Variants in VLDLR observed in about 807,000 individuals in gnomAD.
VLDLR encodes very low density lipoprotein receptor.
VLDLR carries 81 observed loss-of-function variants against 112.7 expected under a neutral mutation model. That is an observed-to-expected ratio of 0.72 (90% CI 0.60 to 0.86). The LOEUF is 0.86. VLDLR is among the 40% of genes least tolerant of loss of function. The pLI, the probability that VLDLR is intolerant of heterozygous loss-of-function variation, is 0.00. For synonymous variants in VLDLR, 436 were observed against 384.8 expected (o/e 1.13, Z -1.56); for missense variants, 1,237 against 1,099.4 (o/e 1.13, Z -1.77).
chr9:2,647,721 A>G (rs970590720), intron 12 of VLDLR, 129 bp downstream of exon 12: 8 of 840,446 alleles, frequency 9.5e-6, no homozygotes, highest in Admixed American at 5.3e-5. Context: ...GGAATTTTCA[A>G]TGGGAGTAAC....
intron 2 of VLDLR, among the ~76,000 whole-genome samples, chr9:2,637,784 A>T (rs926214407): frequency 6.6e-6 from 1 of 152,126 alleles, no homozygotes; most frequent in Non-Finnish European, 1.5e-5. Context: ...CACTAAAAAT[A>T]CAAAAAAATT....
rs775971417 is a variant in VLDLR, at chr9:2,647,528, G to A, written c.1758G>A (p.Met586Ile). 1.2e-6 allele frequency: 2 copies of A among 1,614,176 alleles called. No individual in the cohort carries two copies. Among genetic ancestry groups the A allele is most frequent in the Non-Finnish European group, 1.7e-6 (2 of 1,180,010 alleles). Residue 586 changes from methionine (M) to isoleucine (I), a missense_variant, in exon 12 of 19, where the codon ATG (methionine) becomes ATA (isoleucine). Met to Ile is a conservative substitution (Grantham distance 10). Coordinates refer to ENST00000382100, the MANE Select transcript of VLDLR (RefSeq NM_003383.5). ...GEPAKIEKAG[M>I]NGFDRRPLVT... is the part of the protein sequence containing the mutation. ...CAGCTAAAATAGAAAAAGCAGGAATGAATGGATTCGATAGACGTCCACTGG... is the reference window on the plus strand; with the variant it reads ...CAGCTAAAATAGAAAAAGCAGGAATAAATGGATTCGATAGACGTCCACTGG...
In VLDLR at chr9:2,633,049, A is replaced by AGTGTGTGTGTGTGTGT. The variant is rs1258054088; in HGVS notation, c.83-2403_83-2402insTGTGTGTGTGTGTGTG. 2.7e-3 allele frequency among the ~76,000 whole-genome samples: 287 copies of AGTGTGTGTGTGTGTGT among 107,034 alleles called. 2 individuals are homozygous for AGTGTGTGTGTGTGTGT. The highest frequency in any genetic ancestry group is 9.4e-3 in the African/African-American group (269 of 28,490). 70.2% of individuals were successfully genotyped at this position (107,034 alleles called of 152,430 possible). ...CCTTATTGGAGAGAGAGAGAGAGAG[A>AGTGTGTGTGTGTGTGT]GAGTGTGTGTGTGTGTGTGTGTGTG... is the stretch of plus-strand genomic sequence containing the variant. On this transcript the variant is annotated intron_variant, in intron 1 of 18. Coordinates refer to ENST00000382100, the MANE Select transcript of VLDLR (RefSeq NM_003383.5).
intron 12 of VLDLR, 31 bp downstream of exon 12, chr9:2,647,623 C>T (rs769430377): frequency 6.5e-7 from 1 of 1,548,870 alleles, no homozygotes. Context: ...CGACCACCCA[C>T]TCAACTATCT....
At chr9:2,633,102 G>C (rs1345502934) in intron 1 of VLDLR, among the ~76,000 whole-genome samples, 1 of 151,524 alleles carries the variant, frequency 6.6e-6, no homozygotes, top group Non-Finnish European at 1.5e-5. Context: ...GAGAGAGAGG[G>C]AGTAAAACAC....
rs1374491788 is a variant in VLDLR at position 2,658,610 on chromosome 9, T to C, written c.*4742T>C. Reference sequence around the variant, plus strand: ...GTGTGTGGTACCTTGGGCAAGTTACTAACTCCCTCTGTAAAGTAGAGACGA... The same window carrying C: ...GTGTGTGGTACCTTGGGCAAGTTACCAACTCCCTCTGTAAAGTAGAGACGA... On this transcript the variant is annotated 3_prime_UTR_variant, in exon 19 of 19. Coordinates refer to ENST00000382100, the MANE Select transcript of VLDLR (RefSeq NM_003383.5). 2 of 152,192 alleles carry C rather than the reference T, an allele frequency of 1.3e-5. No individual in the cohort carries two copies. Among genetic ancestry groups the C allele is most frequent in the African/African-American group, 2.4e-5 (1 of 41,446 alleles). The allele number at this position is 152,192 out of a possible 1,614,324, so 9.4% of individuals were successfully genotyped here.
chr9:2,621,827 C>T lies in VLDLR; in HGVS notation c.-363C>T. 2.0e-6 allele frequency: 1 copy of T among 507,152 alleles called. No homozygotes were observed. The highest frequency in any genetic ancestry group is 1.6e-5 in the South Asian group (1 of 63,430). 31.4% of individuals were successfully genotyped at this position (507,152 alleles called of 1,614,324 possible). A position where few individuals can be genotyped will look rare whatever the true frequency, so the allele number is the denominator to read the frequency against. On this transcript the variant is annotated 5_prime_UTR_variant, in exon 1 of 19. Coordinates refer to ENST00000382100, the MANE Select transcript of VLDLR (RefSeq NM_003383.5). The stretch of plus-strand genomic sequence containing the variant: ...CGCCGCCGGTGCGGGTGCTCCGCTA[C>T]CGGCTCCTCTCCGTTCTGTGCTCTC...
chr9:2,631,277 C>T (rs527934933), intron 1 of VLDLR, among the ~76,000 whole-genome samples: 1 of 152,254 alleles, frequency 6.6e-6, no homozygotes, highest in Admixed American at 6.5e-5. Flanking sequence ...AAAACTAAAA[C>T]TGGAATTAAC....
chr9:2,644,032 C>T (rs902880666), intron 7 of VLDLR, 73 bp downstream of exon 7: 5 of 1,606,034 alleles, frequency 3.1e-6, no homozygotes, highest in Non-Finnish European at 2.6e-6. Context: ...ACTGTGTGGA[C>T]CCCCCGTGAT....
Position 2,646,497 on chromosome 9 carries a change from C to T in VLDLR, c.1648C>T (p.Leu550=). ...CCTAGATGGAACCAAGAGGAAGTTCCTGTTTAACTCTGACTTGCGAGAGCC... is the reference window on the plus strand; with the variant it reads ...CCTAGATGGAACCAAGAGGAAGTTCTTGTTTAACTCTGACTTGCGAGAGCC... The part of the protein sequence containing the change: ...ATLDGTKRKF[L]FNSDLREPAS... The change falls in exon 11 of 19, where the codon CTG becomes TTG. Residue 550 remains leucine (L), a synonymous_variant. Transcript: ENST00000382100. 6.2e-7 allele frequency: 1 copy of T among 1,614,148 alleles called. No homozygotes were observed. Among genetic ancestry groups the T allele is most frequent in the Non-Finnish European group, 8.5e-7 (1 of 1,180,018 alleles).
intron 2 of VLDLR, among the ~76,000 whole-genome samples, chr9:2,639,466 A>G (rs371549119): frequency 5.3e-5 from 8 of 152,348 alleles, no homozygotes; most frequent in South Asian, 4.1e-4. Flanking sequence ...CAGTTCTACT[A>G]TGATCCAGTC....
At chr9:2,648,570 T>C in intron 13 of VLDLR, 99 bp from the exon 14 acceptor site, 2 of 1,589,872 alleles carry the variant, frequency 1.3e-6, no homozygotes, top group Non-Finnish European at 1.7e-6. Context: ...CAGCATTCAG[T>C]AAACTTAGTC....
At chr9:2,644,674 A>C in intron 7 of VLDLR, 60 bp from the exon 8 acceptor site, 1 of 1,611,402 alleles carries the variant, frequency 6.2e-7, no homozygotes, top group Non-Finnish European at 8.5e-7. Flanking sequence ...CCTGGGTTTT[A>C]AATGTGAAAG....
rs745830344 is a variant in VLDLR at position 2,622,269 on chromosome 9, C to T, written c.80C>T (p.Thr27Ile). ...WAPRESGATG[T>I]GRKAKCEPSQ... is the part of the protein sequence containing the mutation. ...CCCCGGGAGAGCGGCGCCACCGGAACCGGTGAGTGAGGACGCGCCCCTCCG... is the reference window on the plus strand; with the variant it reads ...CCCCGGGAGAGCGGCGCCACCGGAATCGGTGAGTGAGGACGCGCCCCTCCG... The change falls in exon 1 of 19, where the codon ACC becomes ATC. Residue 27 changes from threonine to isoleucine, a missense_variant and splice_region_variant. Transcript: ENST00000382100. 23 of 1,488,400 alleles carry T rather than the reference C, an allele frequency of 1.5e-5. No individual in the cohort carries two copies. The highest frequency in any genetic ancestry group is 2.0e-5 in the Non-Finnish European group (23 of 1,125,598). The allele number at this position is 1,488,400 out of a possible 1,614,324, so 92.2% of individuals were successfully genotyped here.
intron 4 of VLDLR, among the ~76,000 whole-genome samples, chr9:2,641,717 T>C (rs935000206): frequency 2.6e-5 from 4 of 152,186 alleles, no homozygotes; most frequent in East Asian, 3.9e-4. Flanking sequence ...TTTAGGCAAA[T>C]AGAAATAAGA....
At chr9:2,641,351 C>G (rs903746828) in intron 3 of VLDLR, 26 bp from the exon 4 acceptor site, 2 of 1,613,742 alleles carry the variant, frequency 1.2e-6, no homozygotes, top group East Asian at 2.2e-5. Flanking sequence ...TTCTGAGGCT[C>G]TTTTGAGACT....
At chr9:2,638,932 A>G (rs548649999) in intron 2 of VLDLR, among the ~76,000 whole-genome samples, 1 of 152,308 alleles carries the variant, frequency 6.6e-6, no homozygotes, top group East Asian at 1.9e-4. Flanking sequence ...TTCTAAGTAC[A>G]ACATCTCTTG....
In VLDLR at chr9:2,659,773, G is replaced by C. The variant is rs1023651062; in HGVS notation, c.*5905G>C. 2 of 152,208 alleles carry C rather than the reference G, an allele frequency of 1.3e-5. No individual in the cohort carries two copies. The highest frequency in any genetic ancestry group is 2.9e-5 in the Non-Finnish European group (2 of 68,028). 9.4% of individuals were successfully genotyped at this position (152,208 alleles called of 1,614,324 possible). The stretch of plus-strand genomic sequence containing the variant: ...AGATTGGTAGAACTACCAGACTTGG[G>C]TATTTCTCAGTTAACACACATGCAA... On this transcript the variant is annotated 3_prime_UTR_variant, in exon 19 of 19. Coordinates refer to ENST00000382100, the MANE Select transcript of VLDLR (RefSeq NM_003383.5).
intron 1 of VLDLR, among the ~76,000 whole-genome samples, chr9:2,622,576 C>T (rs1369000921): frequency 6.6e-6 from 1 of 152,236 alleles, no homozygotes; most frequent in East Asian, 1.9e-4. Context: ...TTGACGGGCG[C>T]CGAGGTGCGT....
Sources: allele counts gnomAD v4.1 joint callset (sites outside exome capture counted in the v4.1 genomes callset), GRCh38; gene constraint gnomAD v4.1.1; transcripts MANE v1.5; gene names NCBI Gene and HGNC (gene_info 2026-07-23, HGNC 2026-07-21).